OTUD7B: variants seen among roughly 807,000 people sequenced by gnomAD.
OTUD7B encodes OTU domain-containing protein 7B.
A neutral mutation model predicts 82.2 loss-of-function variants in OTUD7B; 34 were observed. The observed-to-expected ratio is 0.41, with a 90% CI of 0.31 to 0.55. The LOEUF (loss-of-function observed/expected upper bound fraction) is 0.55, where lower values mean the gene tolerates loss of function less well. Ranked by LOEUF, OTUD7B falls within the 20% of genes least tolerant of loss-of-function variation. The pLI is 0.20. For missense variants in OTUD7B, 944 were observed against 1,062.1 expected, an observed-to-expected ratio of 0.89 and a Z score of 1.55; for synonymous variants, 398 against 402.7, an observed-to-expected ratio of 0.99 and a Z score of 0.14.
chr1:150,025,432 A>AACACAC, the OTUD7B span, among the ~76,000 whole-genome samples: 148 of 147,008 alleles, frequency 1.0e-3, no homozygotes, highest in Middle Eastern at 6.9e-3. Context: ...AAGCAAACAA[A>AACACAC]ACACACACAC....
Position 149,943,854 on chromosome 1 carries a change from C to A in OTUD7B, c.*3G>T, listed in dbSNP as rs1302905378. 1.9e-6 allele frequency: 3 copies of A among 1,613,386 alleles called. No homozygotes were observed. Among genetic ancestry groups the A allele is most frequent in the Non-Finnish European group, 2.5e-6 (3 of 1,179,658 alleles). ...CCTCCTTGCCCTTCAGTGTTCCACC[C>A]GTTCAGAACCTGTGCACCAGGAGCT... On this transcript the variant is annotated 3_prime_UTR_variant, in exon 12 of 12. Transcript: ENST00000581312.
At chr1:150,050,933 AG>A in the OTUD7B span, among the ~76,000 whole-genome samples, 7 of 151,600 alleles carry the variant, frequency 4.6e-5, no homozygotes, top group South Asian at 1.5e-3. Context: ...AAAAAAGAAA[AG>A]AAAGAAAAAA....
the OTUD7B span, among the ~76,000 whole-genome samples, chr1:150,036,368 T>A: frequency 2.0e-5 from 3 of 151,164 alleles, no homozygotes; most frequent in Non-Finnish European, 4.4e-5. Flanking sequence ...CAAGTGATCC[T>A]CCTGCCTCAG....
At chr1:149,948,475 G>A (rs899203122) in intron 10 of OTUD7B, among the ~76,000 whole-genome samples, 7 of 142,348 alleles carry the variant, frequency 4.9e-5, no homozygotes, top group African/African-American at 1.8e-4. Context: ...GGGTTCAAGC[G>A]ATTCTCCTGC....
Position 149,955,718 on chromosome 1 carries a change from C to T in OTUD7B, c.845+3966G>A, listed in dbSNP as rs141281255. 7.0e-3 allele frequency among the ~76,000 whole-genome samples: 1,069 copies of T among 152,014 alleles called. 14 individuals are homozygous for T. The highest frequency in any genetic ancestry group is 5.6e-3 in the Non-Finnish European group (382 of 67,976). On this transcript the variant is annotated intron_variant, in intron 7 of 11. Transcript: ENST00000581312. ...CTCTAAGGACTTGCTTTATGAATCT[C>T]GGTGCTCCTGTATTGGGTGCATATA...
intron 11 of OTUD7B, among the ~76,000 whole-genome samples, chr1:149,945,958 G>A (rs1485760366): frequency 2.0e-5 from 3 of 152,004 alleles, no homozygotes; most frequent in Non-Finnish European, 2.9e-5. Context: ...TACTCAGGAG[G>A]CTGAGGCAGG....
chr1:150,025,702 G>C, the OTUD7B span, among the ~76,000 whole-genome samples: 1 of 152,118 alleles, frequency 6.6e-6, no homozygotes, highest in Non-Finnish European at 1.5e-5. Context: ...TGATGGAAAG[G>C]CTCTGATCAG....
chr1:149,947,195 C>T, intron 11 of OTUD7B, 56 bp downstream of exon 11: 1 of 1,001,872 alleles, frequency 1.0e-6, no homozygotes, highest in Non-Finnish European at 1.6e-6. Flanking sequence ...TCTCCTTGTT[C>T]TGTCACTGAA....
At position 149,940,014 on chromosome 1, in the gene OTUD7B, T is replaced by C. The variant is rs1178050381; in HGVS notation, c.*3843A>G. 6 of 151,886 alleles carry C rather than the reference T, an allele frequency of 4.0e-5. No homozygotes were observed. Among genetic ancestry groups the C allele is most frequent in the African/African-American group, 9.7e-5 (4 of 41,332 alleles). 9.4% of individuals were successfully genotyped at this position (151,886 alleles called of 1,614,324 possible). A position where few individuals can be genotyped will look rare whatever the true frequency, so the allele number is the denominator to read the frequency against. The stretch of plus-strand genomic sequence containing the variant: ...TGTCTGAGTAATTCAGAGACAATCA[T>C]CTCTGAAATACTCTTTATTGAGAAA... On this transcript the variant is annotated 3_prime_UTR_variant, in exon 12 of 12. Coordinates refer to ENST00000581312, the MANE Select transcript of OTUD7B (RefSeq NM_020205.4).
At chr1:150,003,547 C>A (rs1266335452) in intron 1 of OTUD7B, among the ~76,000 whole-genome samples, 4 of 152,170 alleles carry the variant, frequency 2.6e-5, no homozygotes, top group African/African-American at 9.7e-5. Flanking sequence ...GGCTCCCACT[C>A]TCCCTGCTGC....
Position 149,951,223 on chromosome 1 carries a change from G to A in OTUD7B, c.846-1002C>T, listed in dbSNP as rs587662761. On this transcript the variant is annotated intron_variant, in intron 7 of 11. Coordinates refer to ENST00000581312, the MANE Select transcript of OTUD7B (RefSeq NM_020205.4). ...CCTGACTTCGTGATCCGCCCGCCTC[G>A]GCCTCCCAAAGTGCTGGGATTACAG... 1.5e-3 allele frequency among the ~76,000 whole-genome samples: 223 copies of A among 150,848 alleles called. 1 individual carries two copies. The highest frequency in any genetic ancestry group is 2.5e-3 in the Non-Finnish European group (166 of 67,674).
At chr1:150,045,988 T>G in the OTUD7B span, among the ~76,000 whole-genome samples, 1 of 152,242 alleles carries the variant, frequency 6.6e-6, no homozygotes, top group Non-Finnish European at 1.5e-5. Context: ...TTGCTTGTAG[T>G]TCTAGTAAGA....
the OTUD7B span, among the ~76,000 whole-genome samples, chr1:150,034,324 A>T: frequency 6.6e-6 from 1 of 152,202 alleles, no homozygotes; most frequent in African/African-American, 2.4e-5. Context: ...GCTCCAATAT[A>T]ATAATAAACA....
At chr1:150,063,493 C>T in the OTUD7B span, among the ~76,000 whole-genome samples, 2 of 152,116 alleles carry the variant, frequency 1.3e-5, no homozygotes, top group Non-Finnish European at 2.9e-5. Flanking sequence ...GGTTGCAATA[C>T]AGAAATCCAG....
chr1:149,960,238 C>T (rs929781783), intron 6 of OTUD7B, among the ~76,000 whole-genome samples: 20 of 151,954 alleles, frequency 1.3e-4, no homozygotes, highest in Non-Finnish European at 4.4e-5. Flanking sequence ...TGTCTGCCCC[C>T]AAAATACTAG....
the OTUD7B span, among the ~76,000 whole-genome samples, chr1:150,036,858 C>T: frequency 2.0e-5 from 3 of 152,006 alleles, no homozygotes; most frequent in Non-Finnish European, 2.9e-5. Context: ...TACACACACA[C>T]AAAATTGAAT....
At chr1:150,021,474 A>C in the OTUD7B span, among the ~76,000 whole-genome samples, 1 of 152,236 alleles carries the variant, frequency 6.6e-6, no homozygotes, top group Non-Finnish European at 1.5e-5. Flanking sequence ...TTCAAGGGTC[A>C]AATTCAGAGC....
At chr1:149,946,726 A>G (rs782110561) in intron 11 of OTUD7B, among the ~76,000 whole-genome samples, 69 of 132,426 alleles carry the variant, frequency 5.2e-4, no homozygotes, top group Non-Finnish European at 8.9e-4. Flanking sequence ...TGGCTGACAG[A>G]GCAAGACTTC....
chr1:149,970,336 GT>G (rs1361699930), intron 3 of OTUD7B, among the ~76,000 whole-genome samples: 139,459 of 143,336 alleles, frequency 0.97, 67,904 homozygotes, highest in East Asian at 1. Context: ...TTTTTTTTTT[GT>G]AGACAGAGTC....
Sources: allele counts gnomAD v4.1 joint callset (sites outside exome capture counted in the v4.1 genomes callset), GRCh38; gene constraint gnomAD v4.1.1; transcripts MANE v1.5; gene names NCBI Gene and HGNC (gene_info 2026-07-23, HGNC 2026-07-21).